Variants in BRD8 observed in about 807,000 individuals in gnomAD.
The protein encoded by BRD8 is bromodomain-containing protein 8.
In BRD8, 67 loss-of-function variants were observed where a neutral mutation model predicts 143.1. The ratio of observed to expected loss-of-function variants is 0.47; its 90% CI spans 0.38 to 0.57. BRD8 has a LOEUF of 0.57. Ranked by LOEUF, BRD8 falls within the 20% of genes least tolerant of loss-of-function variation. BRD8 has a pLI of 0.00. For synonymous variants in BRD8, 505 were observed against 517.1 expected (o/e 0.98, Z 0.32); for missense variants, 1,103 against 1,503.0 (o/e 0.73, Z 4.40).
intron 17 of BRD8, among the ~76,000 whole-genome samples, chr5:138,161,569 G>A (rs562702091): frequency 6.6e-6 from 1 of 152,278 alleles, no homozygotes; most frequent in African/African-American, 2.4e-5. Flanking sequence ...ACCCACCTCA[G>A]CACCCCCAAA....
At chr5:138,150,215 TC>T (rs1362017810) in intron 22 of BRD8, among the ~76,000 whole-genome samples, 1 of 142,716 alleles carries the variant, frequency 7.0e-6, no homozygotes, top group African/African-American at 2.6e-5. Context: ...ACTCCTGGGC[TC>T]CCCCGAGACC....
chr5:138,144,883 AGAGT>A (rs1484470793), intron 25 of BRD8, among the ~76,000 whole-genome samples: 2 of 144,102 alleles, frequency 1.4e-5, no homozygotes, highest in Admixed American at 7.2e-5. Context: ...CCTGGGCAAC[AGAGT>A]GAGACCCTGT....
chr5:138,165,404 GGAGAGTTGTTTAAGTAATTCTTACT>G (rs907851933), intron 11 of BRD8, among the ~76,000 whole-genome samples: 14 of 152,168 alleles, frequency 9.2e-5, no homozygotes, highest in African/African-American at 3.4e-4. Flanking sequence ...GGCAGAAGTA[GGAGAGTTGTTTAAGTAATTCTTACT>G]GTAAGAAGCA....
intron 25 of BRD8, among the ~76,000 whole-genome samples, chr5:138,143,479 A>T (rs546592306): frequency 3.9e-4 from 59 of 152,274 alleles, no homozygotes; most frequent in Admixed American, 1.0e-3. Context: ...TCTCAAAAAA[A>T]TTTTTTTAAA....
At chr5:138,151,727 G>A (rs1182531814) in intron 21 of BRD8, among the ~76,000 whole-genome samples, 2 of 152,154 alleles carry the variant, frequency 1.3e-5, no homozygotes, top group South Asian at 2.1e-4. Context: ...CCAATGGCAC[G>A]ATCTCAGCTC....
At chr5:138,148,608 A>G (rs1387816480) in intron 23 of BRD8, among the ~76,000 whole-genome samples, 3 of 152,020 alleles carry the variant, frequency 2.0e-5, no homozygotes, top group African/African-American at 4.8e-5. Flanking sequence ...AGCTCAAGCA[A>G]TCCTCCTGCC....
At chr5:138,151,037 C>T (rs746045180) in intron 21 of BRD8, 29 bp from the exon 22 acceptor site, 1 of 1,597,678 alleles carries the variant, frequency 6.3e-7, no homozygotes, top group Admixed American at 1.7e-5. Flanking sequence ...ATTAGATGCA[C>T]AGGAACACCA....
At chr5:138,168,429 A>G in intron 8 of BRD8, 1 of 1,413,518 alleles carries the variant, frequency 7.1e-7, no homozygotes, top group East Asian at 2.3e-5. Flanking sequence ...TCCAAGTACT[A>G]AATCACCACA....
At chr5:138,175,641 A>T (rs1399124604) in intron 2 of BRD8, among the ~76,000 whole-genome samples, 1 of 151,680 alleles carries the variant, frequency 6.6e-6, no homozygotes, top group Non-Finnish European at 1.5e-5. Flanking sequence ...AGAGTTGGAG[A>T]CCAGCCTGGG....
At chr5:138,162,892 T>C (rs1753104330) in intron 15 of BRD8, among the ~76,000 whole-genome samples, 1 of 151,712 alleles carries the variant, frequency 6.6e-6, no homozygotes, top group South Asian at 2.1e-4. Flanking sequence ...TCCCAGCTAC[T>C]AAGGAGGCTG....
At chr5:138,174,884 C>G (rs1754188459) in intron 2 of BRD8, among the ~76,000 whole-genome samples, 1 of 151,452 alleles carries the variant, frequency 6.6e-6, no homozygotes, top group African/African-American at 2.4e-5. Context: ...AAAAAATAAA[C>G]TCAAGTTTTT....
chr5:138,164,874 A>G lies in BRD8; in HGVS notation c.1571T>C (p.Ile524Thr), dbSNP rs1344667650. 6.2e-7 allele frequency: 1 copy of G among 1,614,082 alleles called. No homozygotes were observed. Among genetic ancestry groups the G allele is most frequent in the Non-Finnish European group, 8.5e-7 (1 of 1,180,010 alleles). Residue 524 changes from isoleucine (I) to threonine (T), a missense_variant, in exon 12 of 27, where the codon ATA becomes ACA. By Grantham distance (89) the Ile-to-Thr change is moderately conservative. Around this residue, in one of 7 missense-constraint regions of BRD8, gnomAD observed 139 missense variants for 139.0 expected, o/e 1.00. Transcript: ENST00000254900. Reference sequence around the variant, plus strand: ...TGTGGCTGGAACAACTCCAGCTACTATTTCGGCTCCTGAAATGACTGGCTC... The same window carrying G: ...TGTGGCTGGAACAACTCCAGCTACTGTTTCGGCTCCTGAAATGACTGGCTC... ...EPEPVISGAE[I>T]VAGVVPATSM...
chr5:138,152,262 T>A (rs1561601546), intron 21 of BRD8, among the ~76,000 whole-genome samples: 1 of 152,334 alleles, frequency 6.6e-6, no homozygotes, highest in East Asian at 1.9e-4. Flanking sequence ...AGTGCTGGGA[T>A]TACAGGCGTG....
At chr5:138,170,675 TC>T in intron 6 of BRD8, 156 bp downstream of exon 6, 1 of 747,946 alleles carries the variant, frequency 1.3e-6, no homozygotes, top group Non-Finnish European at 2.4e-6. Context: ...TAGGACTCAC[TC>T]CCCCCTCCCA....
At chr5:138,147,291 C>T (rs1752191611) in intron 23 of BRD8, among the ~76,000 whole-genome samples, 1 of 137,856 alleles carries the variant, frequency 7.3e-6, no homozygotes. Context: ...GAAATCTGCT[C>T]TTCAAAAAAT....
At position 138,164,374 on chromosome 5, in the gene BRD8, T is replaced by A; in HGVS notation, c.1771A>T (p.Asn591Tyr). ...ESMLSPSHGS[N>Y]PIEDPLEAET... ...GCCTCTAAAGGATCTTCAATGGGATTTGAGCCATGTGATGGAGACAACATG... is the reference window on the plus strand; with the variant it reads ...GCCTCTAAAGGATCTTCAATGGGATATGAGCCATGTGATGGAGACAACATG... The change falls in exon 13 of 27, where the codon AAT becomes TAT. Residue 591 changes from asparagine (N) to tyrosine (Y), a missense_variant. Coordinates refer to ENST00000254900, the MANE Select transcript of BRD8 (RefSeq NM_139199.2). 6.2e-7 allele frequency: 1 copy of A among 1,614,134 alleles called. No homozygotes were observed. Among genetic ancestry groups the A allele is most frequent in the African/African-American group, 1.3e-5 (1 of 75,040 alleles).
chr5:138,165,757 C>T (rs1753365302), intron 11 of BRD8, 71 bp downstream of exon 11: 8 of 1,448,204 alleles, frequency 5.5e-6, no homozygotes, highest in South Asian at 1.4e-5. Flanking sequence ...AGCAGCAGCA[C>T]CAAAGTGAGG....
At position 138,166,057 on chromosome 5, in the gene BRD8, G is replaced by A; in HGVS notation, c.1049C>T (p.Thr350Ile). ...ACTGCTGTCCATGGAAACAGTCACAGTATGTGGATCCCCCACAGCCTCCAT... is the reference window on the plus strand; with the variant it reads ...ACTGCTGTCCATGGAAACAGTCACAATATGTGGATCCCCCACAGCCTCCAT... ...VPMEAVGDPH[T>I]VTVSMDSSEI... Residue 350 changes from threonine (T) to isoleucine (I), a missense_variant, in exon 11 of 27, where the codon ACT becomes ATT. By Grantham distance (89) the Thr-to-Ile change is moderately conservative. This residue lies in a region of BRD8 where 334 missense variants were observed against 372.5 expected (regional missense o/e 0.90). Transcript: ENST00000254900. The A allele has an allele frequency of 1.2e-6, 2 of 1,614,042 alleles. No individual in the cohort carries two copies. The highest frequency in any genetic ancestry group is 2.2e-5 in the South Asian group (2 of 91,082).
rs1390129707 is a variant in BRD8 at position 138,162,156 on chromosome 5, AG to A, written c.2088-11del. The stretch of plus-strand genomic sequence containing the variant: ...CTCACTACAGACAGAGCTGAAACAG[AG>A]ATACAGCAATTCCACTAGGCACAAG... On this transcript the variant is annotated splice_polypyrimidine_tract_variant and intron_variant, in intron 15 of 26. Transcript: ENST00000254900. 6.4e-7 allele frequency: 1 copy of A among 1,571,890 alleles called. No individual in the cohort carries two copies. Among genetic ancestry groups the A allele is most frequent in the Admixed American group, 2.0e-5 (1 of 50,908 alleles).
Sources: gnomAD v4.1 joint callset for allele counts (sites outside exome capture counted in the v4.1 genomes callset) on GRCh38, gnomAD v4.1.1 for gene constraint, gnomAD v4.1.1 regional missense constraint, MANE v1.5 for transcripts, NCBI Gene and HGNC (gene_info 2026-07-23, HGNC 2026-07-21) for gene names.